Variants in MNAT1 observed in about 807,000 individuals in gnomAD.
MNAT1 encodes the protein CDK-activating kinase assembly factor MAT1.
MNAT1 carries 43 observed loss-of-function variants against 42.0 expected under a neutral mutation model. The observed-to-expected ratio is 1.02, with a 90% confidence interval of 0.80 to 1.32. The LOEUF (loss-of-function observed/expected upper bound fraction) is 1.32, where lower values mean the gene tolerates loss of function less well. Ranked by LOEUF, MNAT1 falls within the 40% of genes most tolerant of loss-of-function variation. The probability of loss-of-function intolerance (pLI) is 0.00; values close to 1 mark genes in which losing one functional copy is unlikely to be tolerated. For missense variants in MNAT1, 306 were observed against 350.4 expected (o/e 0.87, Z 1.01); for synonymous variants, 118 against 120.0 (o/e 0.98, Z 0.11).
chr14:60,925,614 C>G (rs1372280865), intron 7 of MNAT1, among the ~76,000 whole-genome samples: 4 of 152,170 alleles, frequency 2.6e-5, no homozygotes, highest in African/African-American at 4.8e-5. Context: ...CCTTACACTT[C>G]CTTCCATCAG....
At chr14:60,828,179 T>G (rs1324241791) in intron 6 of MNAT1, among the ~76,000 whole-genome samples, 1 of 152,186 alleles carries the variant, frequency 6.6e-6, no homozygotes, top group Non-Finnish European at 1.5e-5. Flanking sequence ...AATTGTTTGG[T>G]CTTGGGCAAA....
chr14:60,817,040 T>C (rs1490357420), intron 5 of MNAT1, among the ~76,000 whole-genome samples: 2 of 151,986 alleles, frequency 1.3e-5, no homozygotes, highest in Non-Finnish European at 2.9e-5. Context: ...ATTTTTGCTT[T>C]TTAAAGGAAA....
intron 6 of MNAT1, among the ~76,000 whole-genome samples, chr14:60,823,450 T>C (rs1272403608): frequency 6.6e-6 from 1 of 152,226 alleles, no homozygotes; most frequent in Non-Finnish European, 1.5e-5. Context: ...AAAAAAAATT[T>C]CTATCTTTAC....
At position 60,948,865 on chromosome 14, in the gene MNAT1, A is replaced by T. The variant is rs569657159; in HGVS notation, c.810-19364A>T. On this transcript the variant is annotated intron_variant, in intron 7 of 7. Transcript: ENST00000261245. ...TTTTATCTGTTAAAGAAACAGCAAG[A>T]TAAGATGATTTCAAAATTTCCTTCC... Among the ~76,000 whole-genome samples the T allele has an allele frequency of 3.9e-5, 6 of 152,278 alleles. No individual in the cohort carries two copies. The East Asian group carries it at 9.7e-4, about 25-fold the overall frequency.
At chr14:60,802,425 A>G (rs1051472777) in intron 3 of MNAT1, among the ~76,000 whole-genome samples, 1 of 152,210 alleles carries the variant, frequency 6.6e-6, no homozygotes, top group Non-Finnish European at 1.5e-5. Flanking sequence ...ATATCAAAAC[A>G]TCACATTGTA....
Position 60,924,398 on chromosome 14 carries a change from A to C in MNAT1, c.810-43831A>C, listed in dbSNP as rs892815940. Reference sequence around the variant, plus strand: ...AGTGCCTGTTTAAAAAAAAAAAAAAAAAAACTGTACTCCATGCCTTGAAAA... The same window carrying C: ...AGTGCCTGTTTAAAAAAAAAAAAAACAAAACTGTACTCCATGCCTTGAAAA... On this transcript the variant is annotated intron_variant, in intron 7 of 7. Coordinates refer to ENST00000261245, the MANE Select transcript of MNAT1 (RefSeq NM_002431.4). Among the ~76,000 whole-genome samples the C allele has an allele frequency of 6.6e-4, 101 of 151,886 alleles. 1 individual carries two copies. In the Middle Eastern group the frequency reaches 0.02, roughly 31 times the overall value.
intron 1 of MNAT1, among the ~76,000 whole-genome samples, chr14:60,789,638 C>T (rs1044449180): frequency 6.6e-6 from 1 of 152,158 alleles, no homozygotes; most frequent in Admixed American, 6.5e-5. Context: ...CTAGCTTTTA[C>T]CTTGTTTCCT....
intron 6 of MNAT1, among the ~76,000 whole-genome samples, chr14:60,844,281 T>C (rs948991508): frequency 2.6e-5 from 4 of 152,166 alleles, no homozygotes; most frequent in African/African-American, 4.8e-5. Context: ...AAAAGTATAA[T>C]TGATATTCTG....
intron 6 of MNAT1, among the ~76,000 whole-genome samples, chr14:60,845,174 G>C (rs1172254253): frequency 1.3e-5 from 2 of 151,728 alleles, no homozygotes; most frequent in East Asian, 3.9e-4. Flanking sequence ...CCTTATGTTT[G>C]AAAGAGTTTG....
At chr14:60,804,635 C>T (rs879529197) in intron 3 of MNAT1, among the ~76,000 whole-genome samples, 1 of 152,126 alleles carries the variant, frequency 6.6e-6, no homozygotes, top group African/African-American at 2.4e-5. Context: ...AAATGATCCT[C>T]CTGCCTCTAC....
chr14:60,925,566 A>C (rs909794572), intron 7 of MNAT1, among the ~76,000 whole-genome samples: 10 of 152,124 alleles, frequency 6.6e-5, no homozygotes, highest in African/African-American at 9.7e-5. Flanking sequence ...AGTTTTGCTC[A>C]TTTTGCTTGT....
At chr14:60,945,577 C>A (rs1246445370) in intron 7 of MNAT1, among the ~76,000 whole-genome samples, 3 of 152,098 alleles carry the variant, frequency 2.0e-5, no homozygotes, top group Non-Finnish European at 4.4e-5. Flanking sequence ...ATAATCACAT[C>A]TTTTCTTCCT....
intron 7 of MNAT1, among the ~76,000 whole-genome samples, chr14:60,885,030 C>A (rs909591415): frequency 6.6e-6 from 1 of 151,916 alleles, no homozygotes; most frequent in Admixed American, 6.6e-5. Flanking sequence ...TATAAGGTTT[C>A]CACTGAAGAG....
chr14:60,860,984 G>T (rs2034081894), intron 6 of MNAT1, among the ~76,000 whole-genome samples: 1 of 152,094 alleles, frequency 6.6e-6, no homozygotes, highest in Admixed American at 6.6e-5. Context: ...TGAGTTAGAG[G>T]CCTTAGGCAT....
At chr14:60,837,754 G>T (rs1195581554) in intron 6 of MNAT1, among the ~76,000 whole-genome samples, 1 of 152,194 alleles carries the variant, frequency 6.6e-6, no homozygotes, top group Admixed American at 6.5e-5. Flanking sequence ...TCCCTACTTT[G>T]CTGTCTGTTT....
At chr14:60,915,404 T>C (rs2035490607) in intron 7 of MNAT1, among the ~76,000 whole-genome samples, 2 of 152,244 alleles carry the variant, frequency 1.3e-5, no homozygotes, top group Non-Finnish European at 2.9e-5. Flanking sequence ...TATTTTCAGC[T>C]GAGCCACATA....
intron 5 of MNAT1, among the ~76,000 whole-genome samples, chr14:60,816,355 G>T (rs926284114): frequency 1.3e-5 from 2 of 151,972 alleles, no homozygotes; most frequent in African/African-American, 4.8e-5. Flanking sequence ...TTTTAAACAG[G>T]TCCTGGCTTA....
chr14:60,798,681 T>C (rs2032100978), intron 3 of MNAT1, among the ~76,000 whole-genome samples: 1 of 152,190 alleles, frequency 6.6e-6, no homozygotes, highest in South Asian at 2.1e-4. Context: ...TTCTTTCTGA[T>C]GTGTTTAGTC....
rs142487261 is a variant in MNAT1, at chr14:60,806,070, T to C, written c.317-2255T>C. Among the ~76,000 whole-genome samples, 158 of 152,320 alleles carry C rather than the reference T, an allele frequency of 1.0e-3. 1 individual carries two copies. Among genetic ancestry groups the C allele is most frequent in the Non-Finnish European group, 3.4e-4 (23 of 68,034 alleles). Reference sequence around the variant, plus strand: ...TGTCATTGGAGTTTTGCCATTCTAATAGGAGTGCCTTAGAAGTAGTGGAAG... The same window carrying C: ...TGTCATTGGAGTTTTGCCATTCTAACAGGAGTGCCTTAGAAGTAGTGGAAG... On this transcript the variant is annotated intron_variant, in intron 3 of 7. Transcript: ENST00000261245.
Sources: gnomAD v4.1 joint callset for allele counts (sites outside exome capture counted in the v4.1 genomes callset) on GRCh38, gnomAD v4.1.1 for gene constraint, MANE v1.5 for transcripts, NCBI Gene and HGNC (gene_info 2026-07-23, HGNC 2026-07-21) for gene names.